Variants in PROK2 observed in about 807,000 individuals in gnomAD.
PROK2 encodes the protein prokineticin 2, also known as prokineticin-2.
A neutral mutation model predicts 14.2 loss-of-function variants in PROK2; 8 were observed. The ratio of observed to expected loss-of-function variants is 0.56; its 90% CI spans 0.33 to 1.02. PROK2 has a LOEUF of 1.02. Ranked by LOEUF, PROK2 falls within the 50% of genes least tolerant of loss-of-function variation. The pLI, the probability that PROK2 is intolerant of heterozygous loss-of-function variation, is 0.03. For synonymous variants in PROK2, 59 were observed against 60.7 expected (o/e 0.97, Z 0.13); for missense variants, 154 against 160.4 (o/e 0.96, Z 0.22).
intron 2 of PROK2, among the ~76,000 whole-genome samples, chr3:71,776,006 T>G (rs1267271591): frequency 6.6e-6 from 1 of 152,170 alleles, no homozygotes; most frequent in African/African-American, 2.4e-5. Flanking sequence ...AACTCAGAGA[T>G]GGACTCACCA....
Position 71,772,428 on chromosome 3 carries a change from G to C in PROK2, c.*296C>G. ...TCAAATTCTTATTTTCCTCATTTTTGTGAAAATGGGTACGTTTTTGACATT... is the reference window on the plus strand; with the variant it reads ...TCAAATTCTTATTTTCCTCATTTTTCTGAAAATGGGTACGTTTTTGACATT... On this transcript the variant is annotated 3_prime_UTR_variant, in exon 4 of 4. Transcript: ENST00000295619. The C allele has an allele frequency of 3.3e-6, 1 of 306,006 alleles. No homozygotes were observed. The allele number at this position is 306,006 out of a possible 1,614,324, so 19.0% of individuals were successfully genotyped here.
intron 2 of PROK2, among the ~76,000 whole-genome samples, chr3:71,779,362 T>G (rs1267832744): frequency 6.6e-6 from 1 of 152,254 alleles, no homozygotes; most frequent in Non-Finnish European, 1.5e-5. Context: ...ACAGCCTGTG[T>G]TGCTGAACCC....
intron 3 of PROK2, 114 bp from the exon 4 acceptor site, chr3:71,772,942 C>A: frequency 1.2e-6 from 1 of 839,528 alleles, no homozygotes; most frequent in Non-Finnish European, 2.0e-6. Context: ...TGAGCGTTAA[C>A]TACCCATTAG....
In PROK2 at chr3:71,784,323, T is replaced by A. The variant is rs530369397; in HGVS notation, c.96+634A>T. On this transcript the variant is annotated intron_variant, in intron 1 of 3. Transcript: ENST00000295619. ...CATTATGCTGGAGCACTGGAGGTGCTTTGCCAGGAATTAGAAATTTAAAAC... is the reference window on the plus strand; with the variant it reads ...CATTATGCTGGAGCACTGGAGGTGCATTGCCAGGAATTAGAAATTTAAAAC... Among the ~76,000 whole-genome samples the A allele has an allele frequency of 1.2e-4, 19 of 152,308 alleles. No homozygotes were observed. The South Asian group carries it at 3.7e-3, about 30-fold the overall frequency.
chr3:71,773,763 C>CTTA (rs1455537906), intron 3 of PROK2, among the ~76,000 whole-genome samples: 7 of 152,182 alleles, frequency 4.6e-5, no homozygotes, highest in Non-Finnish European at 8.8e-5. Context: ...CTGCTTCATT[C>CTTA]GAGAGTCACT....
chr3:71,779,759 A>G (rs1268117802), intron 2 of PROK2, among the ~76,000 whole-genome samples: 1 of 151,984 alleles, frequency 6.6e-6, no homozygotes, highest in Non-Finnish European at 1.5e-5. Context: ...GGTGTGTGCC[A>G]CCATGCCCAG....
At position 71,781,490 on chromosome 3, in the gene PROK2, T is replaced by C. The variant is rs1215804328; in HGVS notation, c.199A>G (p.Ser67Gly). The C allele has an allele frequency of 6.2e-7, 1 of 1,614,118 alleles. No homozygotes were observed. The highest frequency in any genetic ancestry group is 1.7e-5 in the Admixed American group (1 of 60,024). The change falls in exon 2 of 4, where the codon AGC becomes GGC. Residue 67 changes from serine (S) to glycine (G), a missense_variant. Ser to Gly is a moderately conservative substitution (Grantham distance 56, BLOSUM62 0). Transcript: ENST00000295619. ...ACTTTACGAGTCAGTGGATGGCAGCTGTCTCCCAGTTTGCCCATAGGTGTG... is the reference window on the plus strand; with the variant it reads ...ACTTTACGAGTCAGTGGATGGCAGCCGTCTCCCAGTTTGCCCATAGGTGTG... ...ICTPMGKLGD[S>G]CHPLTRKNNF...
At chr3:71,773,870 A>G (rs1442680446) in intron 3 of PROK2, among the ~76,000 whole-genome samples, 3 of 152,202 alleles carry the variant, frequency 2.0e-5, no homozygotes, top group Non-Finnish European at 4.4e-5. Context: ...AATGGTATAC[A>G]CACCAAATAT....
In PROK2 at chr3:71,772,677, T is replaced by C. The variant is rs756087208; in HGVS notation, c.*47A>G. On this transcript the variant is annotated 3_prime_UTR_variant, in exon 4 of 4. Coordinates refer to ENST00000295619, the MANE Select transcript of PROK2 (RefSeq NM_001126128.2). ...TTTGGCACAATCACAAGTAAGACTTTACAGGTAAGATGTGGCTATTCACAT... is the reference window on the plus strand; with the variant it reads ...TTTGGCACAATCACAAGTAAGACTTCACAGGTAAGATGTGGCTATTCACAT... 2.6e-6 allele frequency: 4 copies of C among 1,523,678 alleles called. No homozygotes were observed. The highest frequency in any genetic ancestry group is 2.7e-5 in the African/African-American group (2 of 72,978). 94.4% of individuals were successfully genotyped at this position (1,523,678 alleles called of 1,614,324 possible). A position where few individuals can be genotyped will look rare whatever the true frequency, so the allele number is the denominator to read the frequency against.
At chr3:71,778,054 G>T (rs546894113) in intron 2 of PROK2, among the ~76,000 whole-genome samples, 1 of 151,904 alleles carries the variant, frequency 6.6e-6, no homozygotes, top group Non-Finnish European at 1.5e-5. Context: ...AACATTAGCC[G>T]GGCGTGGTTG....
intron 1 of PROK2, among the ~76,000 whole-genome samples, chr3:71,784,536 T>C (rs2050195670): frequency 6.6e-6 from 1 of 152,234 alleles, no homozygotes; most frequent in South Asian, 2.1e-4. Flanking sequence ...ACTTGGGGAA[T>C]TCGTCTTGGT....
chr3:71,780,601 G>T (rs2050153484), intron 2 of PROK2, among the ~76,000 whole-genome samples: 1 of 152,186 alleles, frequency 6.6e-6, no homozygotes, highest in African/African-American at 2.4e-5. Flanking sequence ...TTTACCAATG[G>T]GAAAAATGCG....
intron 2 of PROK2, among the ~76,000 whole-genome samples, chr3:71,776,046 TG>T (rs1164467971): frequency 1.3e-5 from 2 of 152,264 alleles, no homozygotes; most frequent in Non-Finnish European, 2.9e-5. Context: ...GCCCCTCTCA[TG>T]TATAGGCCTC....
chr3:71,782,042 T>G (rs2050164486), intron 1 of PROK2, among the ~76,000 whole-genome samples: 1 of 152,192 alleles, frequency 6.6e-6, no homozygotes, highest in Admixed American at 6.5e-5. Flanking sequence ...ATTTAAATAG[T>G]CTCTAAATCT....
At chr3:71,781,404 T>A (rs2050159233) in intron 2 of PROK2, 63 bp downstream of exon 2, 1 of 1,582,118 alleles carries the variant, frequency 6.3e-7, no homozygotes. Context: ...CTTCATGTCA[T>A]ACAGACCCTG....
intron 1 of PROK2, among the ~76,000 whole-genome samples, chr3:71,782,520 T>G (rs1162075851): frequency 6.6e-6 from 1 of 152,212 alleles, no homozygotes; most frequent in African/African-American, 2.4e-5. Flanking sequence ...TGAAAATGGA[T>G]CTGAAGAACT....
In PROK2 at chr3:71,771,911, A is replaced by AG. The variant is rs1291426087; in HGVS notation, c.*812dup. ...TAGAATATCTCTAAGTAGGAGACTA[A>AG]GGAAAAAAAACTTTATAAAAAGTAA... On this transcript the variant is annotated 3_prime_UTR_variant, in exon 4 of 4. Coordinates refer to ENST00000295619, the MANE Select transcript of PROK2 (RefSeq NM_001126128.2). The AG allele has an allele frequency of 6.6e-6, 1 of 152,492 alleles. No individual in the cohort carries two copies. Among genetic ancestry groups the AG allele is most frequent in the Non-Finnish European group, 1.5e-5 (1 of 68,038 alleles). The allele number at this position is 152,492 out of a possible 1,614,324, so 9.4% of individuals were successfully genotyped here.
intron 1 of PROK2, 32 bp downstream of exon 1, chr3:71,784,925 C>A: frequency 8.1e-7 from 1 of 1,230,554 alleles, no homozygotes; most frequent in South Asian, 4.1e-5. Context: ...AGGCGCGCAT[C>A]AGGGGCAGAC....
chr3:71,772,524 T>G lies in PROK2; in HGVS notation c.*200A>C, dbSNP rs141931368. ...AACCAGTTCCATAATGCCTTACACT[T>G]CATATTTCTATCCAAAAGTAAAATT... On this transcript the variant is annotated 3_prime_UTR_variant, in exon 4 of 4. Coordinates refer to ENST00000295619, the MANE Select transcript of PROK2 (RefSeq NM_001126128.2). The G allele has an allele frequency of 1.2e-4, 74 of 606,366 alleles. No homozygotes were observed. Among genetic ancestry groups the G allele is most frequent in the Non-Finnish European group, 2.0e-4 (70 of 344,174 alleles). The allele number at this position is 606,366 out of a possible 1,614,324, so 37.6% of individuals were successfully genotyped here.
Sources: gnomAD v4.1 joint callset for allele counts (sites outside exome capture counted in the v4.1 genomes callset) on GRCh38, gnomAD v4.1.1 for gene constraint, MANE v1.5 for transcripts, NCBI Gene and HGNC (gene_info 2026-07-23, HGNC 2026-07-21) for gene names.